Variants in MOB2 observed in about 807,000 individuals in gnomAD.
MOB2 encodes the protein MOB kinase activator 2, also known as MOB2 Mps One Binder homolog.
A neutral mutation model predicts 27.4 loss-of-function variants in MOB2; 14 were observed. That is an observed-to-expected ratio of 0.51 (90% confidence interval 0.34 to 0.80). The LOEUF (loss-of-function observed/expected upper bound fraction) is 0.80. Ranked by LOEUF, MOB2 falls within the 30% of genes least tolerant of loss-of-function variation. The pLI is 0.01. For missense variants in MOB2, 304 were observed against 354.6 expected (o/e 0.86, Z 1.15); for synonymous variants, 167 against 151.8 (o/e 1.10, Z -0.74).
rs572011114 is a variant in MOB2, at chr11:1,483,338, C to G, written c.111-2453G>C. On this transcript the variant is annotated intron_variant, in intron 1 of 4. Transcript: ENST00000329957. ...GGCCGCAGGCAGGACAGAGATGGCG[C>G]TGAAGGGACTGGGGAGTGGACCCTG... Among the ~76,000 whole-genome samples, 329 of 152,344 alleles carry G rather than the reference C, an allele frequency of 2.2e-3. 2 individuals carry two copies. The highest frequency in any genetic ancestry group is 6.8e-3 in the Middle Eastern group (2 of 294).
rs749641059 is a variant in MOB2, at chr11:1,480,796, G to A, written c.200C>T (p.Thr67Ile). 7 of 1,598,102 alleles carry A rather than the reference G, an allele frequency of 4.4e-6. No individual in the cohort carries two copies. The African/African-American group carries it at 8.0e-5, about 18-fold the overall frequency. ...CACCAGCTCCTTGAACTGGAAGTCG[G>A]TGATCCTGGCCTTGGTGTGCTCAGG... Reference protein sequence around the residue: ...LEPEHTKARITDFQFKELVVL... With the variant: ...LEPEHTKARIIDFQFKELVVL... Residue 67 changes from threonine to isoleucine, a missense_variant, in exon 2 of 5, where the codon ACC (threonine) becomes ATC (isoleucine). Coordinates refer to ENST00000329957, the MANE Select transcript of MOB2 (RefSeq NM_001172223.3).
chr11:1,483,113 G>A (rs1847933186), intron 1 of MOB2, among the ~76,000 whole-genome samples: 1 of 152,218 alleles, frequency 6.6e-6, no homozygotes, highest in Admixed American at 6.5e-5. Context: ...CAGGCTCACA[G>A]GCTCTGAAAC....
chr11:1,481,172 G>A (rs1368406635), intron 1 of MOB2: 1 of 528,274 alleles, frequency 1.9e-6, no homozygotes, highest in Non-Finnish European at 3.5e-6. Flanking sequence ...CCCTCACCAA[G>A]TCCTCCAACC....
rs772823505 is a variant in MOB2 at position 1,470,008 on chromosome 11, G to C, written c.*164C>G. ...CGACAGGGGGCCACAGGACACGGCC[G>C]GGGCCGTCTGCGTCTGTGCCTGTGC... On this transcript the variant is annotated 3_prime_UTR_variant, in exon 5 of 5. Coordinates refer to ENST00000329957, the MANE Select transcript of MOB2 (RefSeq NM_001172223.3). 2 of 1,520,846 alleles carry C rather than the reference G, an allele frequency of 1.3e-6. No homozygotes were observed. Among genetic ancestry groups the C allele is most frequent in the Non-Finnish European group, 1.8e-6 (2 of 1,133,894 alleles). The allele number at this position is 1,520,846 out of a possible 1,614,324, so 94.2% of individuals were successfully genotyped here. A position where few individuals can be genotyped will look rare whatever the true frequency, so the allele number is the denominator to read the frequency against.
At chr11:1,480,248 G>A (rs765898460) in intron 3 of MOB2, 145 bp downstream of exon 3, 2 of 712,192 alleles carry the variant, frequency 2.8e-6, no homozygotes, top group South Asian at 1.9e-5. Flanking sequence ...ACAGGAAGGT[G>A]GATGTTGTGG....
chr11:1,470,661 C>T (rs1212287642), intron 4 of MOB2, among the ~76,000 whole-genome samples, 173 bp from the exon 5 acceptor site: 2 of 152,260 alleles, frequency 1.3e-5, no homozygotes, highest in Non-Finnish European at 2.9e-5. Context: ...GCAGGCACCA[C>T]AGGGACTTGC....
intron 3 of MOB2, chr11:1,472,664 C>T (rs1847807139): frequency 6.6e-6 from 1 of 152,464 alleles, no homozygotes; most frequent in African/African-American, 2.4e-5. Context: ...GGAGGCCACT[C>T]TTCTCTTGGC....
intron 1 of MOB2, among the ~76,000 whole-genome samples, chr11:1,484,605 C>A (rs1260736576): frequency 6.6e-6 from 1 of 152,150 alleles, no homozygotes; most frequent in African/African-American, 2.4e-5. Context: ...CCTCCTGTCA[C>A]CCCAACATGC....
intron 1 of MOB2, among the ~76,000 whole-genome samples, chr11:1,483,962 G>T (rs1847942845): frequency 6.6e-6 from 1 of 152,232 alleles, no homozygotes. Flanking sequence ...CTGCTTCACA[G>T]GCAGGGGGAG....
rs947411421 is a variant in MOB2, at chr11:1,469,886, C to T, written c.*286G>A. On this transcript the variant is annotated 3_prime_UTR_variant, in exon 5 of 5. Transcript: ENST00000329957. ...TGCACGGAGACCAGAGAAAGGAAAA[C>T]CCCACAGAAGAAAACTCAAAGCATC... 5.5e-6 allele frequency: 4 copies of T among 726,326 alleles called. No individual in the cohort carries two copies. The African/African-American group carries it at 6.9e-5, about 13-fold the overall frequency. 45.0% of individuals were successfully genotyped at this position (726,326 alleles called of 1,614,324 possible). A position where few individuals can be genotyped will look rare whatever the true frequency, so the allele number is the denominator to read the frequency against.
intron 1 of MOB2, among the ~76,000 whole-genome samples, chr11:1,485,830 G>A (rs909832251): frequency 6.6e-6 from 1 of 152,220 alleles, no homozygotes; most frequent in African/African-American, 2.4e-5. Flanking sequence ...GGGCAGGGAG[G>A]CACCCCCGCA....
chr11:1,478,141 G>A (rs1419372318), intron 3 of MOB2, among the ~76,000 whole-genome samples: 1 of 152,180 alleles, frequency 6.6e-6, no homozygotes, highest in South Asian at 2.1e-4. Flanking sequence ...CAGCTCTCTT[G>A]CCCACAGCCC....
intron 3 of MOB2, among the ~76,000 whole-genome samples, chr11:1,474,151 G>A (rs932499943): frequency 6.6e-6 from 1 of 152,220 alleles, no homozygotes; most frequent in East Asian, 1.9e-4. Flanking sequence ...CCATGGTTTC[G>A]GCTTGCCTTT....
At chr11:1,473,133 C>T (rs116985344) in intron 3 of MOB2, 4,830 of 152,678 alleles carry the variant, frequency 0.032, 97 homozygotes, top group Middle Eastern at 0.074. Context: ...CTCATGTGTG[C>T]CCTGTGCGGG....
At position 1,480,859 on chromosome 11, in the gene MOB2, T is replaced by C. The variant is rs1847904651; in HGVS notation, c.137A>G (p.Lys46Arg). Residue 46 changes from lysine (K) to arginine (R), a missense_variant, in exon 2 of 5, where the codon AAG becomes AGG. Coordinates refer to ENST00000329957, the MANE Select transcript of MOB2 (RefSeq NM_001172223.3). ...CTTCCTCTCCTCCGCAGCGGGCTTCTTGCCATTAGGCTTGGCTTTGGACTT... is the reference window on the plus strand; with the variant it reads ...CTTCCTCTCCTCCGCAGCGGGCTTCCTGCCATTAGGCTTGGCTTTGGACTT... ...LRKSKAKPNG[K>R]KPAAEERKAY... 1 of 1,563,780 alleles carries C rather than the reference T, an allele frequency of 6.4e-7. No homozygotes were observed. The highest frequency in any genetic ancestry group is 8.7e-7 in the Non-Finnish European group (1 of 1,154,444).
At chr11:1,484,111 A>G (rs1266812931) in intron 1 of MOB2, among the ~76,000 whole-genome samples, 1 of 152,138 alleles carries the variant, frequency 6.6e-6, no homozygotes, top group East Asian at 1.9e-4. Flanking sequence ...CCCACGGCCC[A>G]CAGGAATGGG....
intron 3 of MOB2, among the ~76,000 whole-genome samples, chr11:1,473,797 C>A (rs1387503447): frequency 6.6e-6 from 1 of 152,240 alleles, no homozygotes; most frequent in Non-Finnish European, 1.5e-5. Flanking sequence ...TTCATAACCA[C>A]AATCAGGACA....
chr11:1,473,926 C>T (rs1365509245), intron 3 of MOB2, among the ~76,000 whole-genome samples: 1 of 152,038 alleles, frequency 6.6e-6, no homozygotes, highest in Non-Finnish European at 1.5e-5. Flanking sequence ...CCGATCTGGG[C>T]CCCTCTTGCA....
chr11:1,476,623 C>G (rs181816300), intron 3 of MOB2, among the ~76,000 whole-genome samples: 1 of 152,150 alleles, frequency 6.6e-6, no homozygotes, highest in Non-Finnish European at 1.5e-5. Flanking sequence ...GCTTTCTGTT[C>G]TTATTTACTT....
Sources: allele counts gnomAD v4.1 joint callset (sites outside exome capture counted in the v4.1 genomes callset), GRCh38; gene constraint gnomAD v4.1.1; transcripts MANE v1.5; gene names NCBI Gene and HGNC (gene_info 2026-07-23, HGNC 2026-07-21).